Variants in CTNND2 observed in about 807,000 individuals in gnomAD.
CTNND2 encodes the protein catenin delta 2.
A neutral mutation model predicts 144.4 loss-of-function variants in CTNND2; 22 were observed. The observed-to-expected ratio is 0.15, with a 90% CI of 0.11 to 0.22. The LOEUF is 0.22. Ranked by LOEUF, CTNND2 falls within the 10% of genes least tolerant of loss-of-function variation. The pLI is 1.00. For missense variants in CTNND2, 1,353 were observed against 1,618.8 expected (o/e 0.84, Z 2.82); for synonymous variants, 751 against 695.6 (o/e 1.08, Z -1.25).
At chr5:11,827,773 T>C (rs1033668888) in intron 1 of CTNND2, among the ~76,000 whole-genome samples, 6 of 152,178 alleles carry the variant, frequency 3.9e-5, no homozygotes, top group African/African-American at 9.7e-5. Context: ...CTCCCTCTTA[T>C]AGAAGATTTA....
intron 1 of CTNND2, among the ~76,000 whole-genome samples, chr5:11,809,847 A>G (rs1321971061): frequency 6.6e-6 from 1 of 152,184 alleles, no homozygotes. Flanking sequence ...CTGCGGTCCT[A>G]TTGTAAATAA....
At chr5:11,254,771 A>G (rs905866443) in intron 9 of CTNND2, among the ~76,000 whole-genome samples, 2 of 152,162 alleles carry the variant, frequency 1.3e-5, no homozygotes, top group African/African-American at 4.8e-5. Context: ...AGACTTGCAA[A>G]TTATAATGCA....
intron 12 of CTNND2, among the ~76,000 whole-genome samples, chr5:11,158,429 T>C (rs1758433510): frequency 6.6e-6 from 1 of 152,158 alleles, no homozygotes; most frequent in South Asian, 2.1e-4. Context: ...GTAGCACCTA[T>C]CCAGAGAAAT....
chr5:11,418,766 C>G (rs1430867299), intron 3 of CTNND2, among the ~76,000 whole-genome samples: 1 of 151,904 alleles, frequency 6.6e-6, no homozygotes, highest in Non-Finnish European at 1.5e-5. Flanking sequence ...TCCATTTGTC[C>G]ACAAACTTTT....
intron 2 of CTNND2, among the ~76,000 whole-genome samples, chr5:11,708,844 A>G (rs2126687032): frequency 6.6e-6 from 1 of 152,276 alleles, no homozygotes; most frequent in Admixed American, 6.5e-5. Flanking sequence ...CCCTCCCGTG[A>G]CCCACAGGCA....
chr5:11,117,307 T>C (rs1471711808), intron 13 of CTNND2, 143 bp downstream of exon 13: 4 of 673,992 alleles, frequency 5.9e-6, no homozygotes, highest in Admixed American at 2.4e-5. Flanking sequence ...TCTAAAAGTG[T>C]TGGATTCTTA....
chr5:11,643,002 T>C (rs1401044967), intron 2 of CTNND2, among the ~76,000 whole-genome samples: 1 of 152,136 alleles, frequency 6.6e-6, no homozygotes, highest in African/African-American at 2.4e-5. Context: ...GTGTCTCCAA[T>C]CCCTGTGTCA....
At position 11,384,566 on chromosome 5, in the gene CTNND2, A is replaced by G; in HGVS notation, c.1177+99T>C. 1 of 1,146,032 alleles carries G rather than the reference A, an allele frequency of 8.7e-7. No individual in the cohort carries two copies. The highest frequency in any genetic ancestry group is 2.8e-5 in the Admixed American group (1 of 35,534). 71.0% of individuals were successfully genotyped at this position (1,146,032 alleles called of 1,614,324 possible). A position where few individuals can be genotyped will look rare whatever the true frequency, so the allele number is the denominator to read the frequency against. ...TCCTGCAACTACTACAACCTGGCAGACAGCGCGCCCGGCTTCGCTTCTGCT... is the reference window on the plus strand; with the variant it reads ...TCCTGCAACTACTACAACCTGGCAGGCAGCGCGCCCGGCTTCGCTTCTGCT... On this transcript the variant is annotated intron_variant, in intron 7 of 21. Transcript: ENST00000304623. The surrounding 1 kb of genome is among the most constrained non-coding windows in gnomAD (Gnocchi z 5.2).
intron 1 of CTNND2, among the ~76,000 whole-genome samples, chr5:11,883,946 T>C (rs1736322434): frequency 1.3e-5 from 2 of 152,244 alleles, no homozygotes; most frequent in South Asian, 4.1e-4. Flanking sequence ...GTTGAGCTTT[T>C]TTCATATGTT....
At chr5:11,095,803 C>T (rs1751281853) in intron 15 of CTNND2, among the ~76,000 whole-genome samples, 1 of 152,006 alleles carries the variant, frequency 6.6e-6, no homozygotes, top group African/African-American at 2.4e-5. Flanking sequence ...TTCTTTGTTA[C>T]TAATTTTGAG....
At chr5:11,870,766 G>C (rs1342662380) in intron 1 of CTNND2, among the ~76,000 whole-genome samples, 1 of 152,222 alleles carries the variant, frequency 6.6e-6, no homozygotes, top group Non-Finnish European at 1.5e-5. Flanking sequence ...CAGGAAAATG[G>C]AAGTTAATGC....
At chr5:11,645,896 C>A (rs1011892726) in intron 2 of CTNND2, among the ~76,000 whole-genome samples, 3 of 151,922 alleles carry the variant, frequency 2.0e-5, no homozygotes, top group Non-Finnish European at 4.4e-5. Flanking sequence ...TAAACATAAA[C>A]AGTACATTAT....
chr5:11,598,192 C>T (rs1180561485), intron 2 of CTNND2, among the ~76,000 whole-genome samples: 1 of 152,146 alleles, frequency 6.6e-6, no homozygotes, highest in Non-Finnish European at 1.5e-5. Context: ...AACCACTAGA[C>T]AGACCTATCT....
intron 1 of CTNND2, among the ~76,000 whole-genome samples, chr5:11,887,872 T>C (rs921119004): frequency 1.3e-5 from 2 of 152,170 alleles, no homozygotes; most frequent in Non-Finnish European, 2.9e-5. Context: ...TTCCACATGA[T>C]TAGACTGAGG....
At chr5:11,617,330 T>C (rs1299362745) in intron 2 of CTNND2, among the ~76,000 whole-genome samples, 1 of 152,188 alleles carries the variant, frequency 6.6e-6, no homozygotes, top group Non-Finnish European at 1.5e-5. Context: ...CATTCCTCAG[T>C]AGCTGGATCT....
At chr5:11,098,507 C>T in intron 15 of CTNND2, 68 bp downstream of exon 15, 4 of 1,386,638 alleles carry the variant, frequency 2.9e-6, no homozygotes, top group Non-Finnish European at 2.0e-6. Flanking sequence ...CAAAACTGGA[C>T]TTATATTGTT....
chr5:11,405,381 TGAAACATCTACATGGTAG>T (rs1359741827), intron 5 of CTNND2, among the ~76,000 whole-genome samples: 1 of 152,186 alleles, frequency 6.6e-6, no homozygotes, highest in East Asian at 1.9e-4. Flanking sequence ...AACATGCTTC[TGAAACATCTACATGGTAG>T]GAGGAAATCT....
At chr5:11,618,462 T>C (rs538209815) in intron 2 of CTNND2, among the ~76,000 whole-genome samples, 1 of 152,342 alleles carries the variant, frequency 6.6e-6, no homozygotes, top group South Asian at 2.1e-4. Flanking sequence ...ACATCTTGCT[T>C]AGAACAAGCT....
chr5:11,863,148 G>C (rs927909801), intron 1 of CTNND2, among the ~76,000 whole-genome samples: 1 of 152,078 alleles, frequency 6.6e-6, no homozygotes, highest in African/African-American at 2.4e-5. Flanking sequence ...AAAGTTAAAA[G>C]CTTTTTCTTT....
Sources: allele counts gnomAD v4.1 joint callset (sites outside exome capture counted in the v4.1 genomes callset), GRCh38; gene constraint gnomAD v4.1.1; non-coding constraint Gnocchi (gnomAD v3.1); transcripts MANE v1.5; gene names NCBI Gene and HGNC (gene_info 2026-07-23, HGNC 2026-07-21).